The following ZNF236 variants were observed in gnomAD, a reference collection of about 807,000 sequenced individuals.
The protein encoded by ZNF236 is zinc finger protein 236, also known as regulated by glucose.
Under a neutral mutation model 191.2 loss-of-function variants are expected in ZNF236, and 50 were observed. The ratio of observed to expected loss-of-function variants is 0.26; its 90% CI spans 0.21 to 0.33. The LOEUF (loss-of-function observed/expected upper bound fraction) is 0.33, where lower values mean the gene tolerates loss of function less well. Ranked by LOEUF, ZNF236 falls within the 10% of genes least tolerant of loss-of-function variation. The pLI is 1.00. For missense variants in ZNF236, 1,754 were observed against 2,374.5 expected (o/e 0.74, Z 5.43); for synonymous variants, 907 against 928.8 (o/e 0.98, Z 0.43).
At chr18:76,953,947 T>C (rs1420990969) in intron 27 of ZNF236, among the ~76,000 whole-genome samples, 1 of 152,106 alleles carries the variant, frequency 6.6e-6, no homozygotes, top group Non-Finnish European at 1.5e-5. Context: ...GCTCCTACCC[T>C]CCCACCCCCA....
chr18:76,906,007 G>A (rs1269990747), intron 13 of ZNF236, among the ~76,000 whole-genome samples: 1 of 152,144 alleles, frequency 6.6e-6, no homozygotes, highest in East Asian at 1.9e-4. Context: ...AATTCTGTGT[G>A]GTACTGTAAC....
At chr18:76,910,276 G>A (rs1967183313) in intron 15 of ZNF236, 107 bp downstream of exon 15, 1 of 943,904 alleles carries the variant, frequency 1.1e-6, no homozygotes, top group Non-Finnish European at 1.5e-6. Context: ...TAAAGTGTAT[G>A]GTTTCAAACC....
At chr18:76,852,093 G>A (rs1409510133) in intron 3 of ZNF236, among the ~76,000 whole-genome samples, 154 bp downstream of exon 3, 1 of 152,160 alleles carries the variant, frequency 6.6e-6, no homozygotes, top group East Asian at 1.9e-4. Context: ...GACACCAGTT[G>A]ACTGATAAGA....
In ZNF236 at chr18:76,880,465, T is replaced by G. The variant is rs1408002469; in HGVS notation, c.1188+149T>G. 1.1e-5 allele frequency: 8 copies of G among 749,364 alleles called. No individual in the cohort carries two copies. Among genetic ancestry groups the G allele is most frequent in the Non-Finnish European group, 1.2e-5 (6 of 480,072 alleles). The allele number at this position is 749,364 out of a possible 1,614,324, so 46.4% of individuals were successfully genotyped here. A position where few individuals can be genotyped will look rare whatever the true frequency, so the allele number is the denominator to read the frequency against. On this transcript the variant is annotated intron_variant, in intron 8 of 30. Coordinates refer to ENST00000320610, the MANE Select transcript of ZNF236 (RefSeq NM_001306089.2). The surrounding 1 kb of genome is among the most constrained non-coding windows in gnomAD (Gnocchi z 5.0). The stretch of plus-strand genomic sequence containing the variant: ...CTGAACCGAAAGAAATTAATATGCC[T>G]ACTTAATTGCTTATGGACGGCGCAA...
Position 76,875,356 on chromosome 18 carries a change from A to G in ZNF236, c.668-136A>G. ...TTTGAGATTTAAAGTAGACACTTGT[A>G]TATATGCATCTAGAGTTCTGGGGAG... On this transcript the variant is annotated intron_variant, in intron 5 of 30. Coordinates refer to ENST00000320610, the MANE Select transcript of ZNF236 (RefSeq NM_001306089.2). This position sits in a 1 kb window ranked among gnomAD's most constrained non-coding sequence, Gnocchi z 4.3. 2.8e-6 allele frequency: 2 copies of G among 714,920 alleles called. No homozygotes were observed. The highest frequency in any genetic ancestry group is 4.1e-6 in the Non-Finnish European group (2 of 488,274). The allele number at this position is 714,920 out of a possible 1,614,324, so 44.3% of individuals were successfully genotyped here.
chr18:76,866,739 C>T (rs1976420242), intron 3 of ZNF236, among the ~76,000 whole-genome samples: 1 of 152,166 alleles, frequency 6.6e-6, no homozygotes, highest in Non-Finnish European at 1.5e-5. Flanking sequence ...AAGTGGAAGG[C>T]CCGTTGTCCT....
rs114499862 is a variant in ZNF236 at position 76,890,339 on chromosome 18, G to T, written c.1418-4674G>T. ...AAGGACATCCTTGTACATAATCATA[G>T]TAAAGTCATCAATATCAGGAAATTA... On this transcript the variant is annotated intron_variant, in intron 9 of 30. Transcript: ENST00000320610. 4.4e-3 allele frequency among the ~76,000 whole-genome samples: 666 copies of T among 152,096 alleles called. 6 individuals carry two copies. The highest frequency in any genetic ancestry group is 0.015 in the African/African-American group (638 of 41,468).
chr18:76,845,211 T>C (rs1975640520), intron 1 of ZNF236, among the ~76,000 whole-genome samples: 1 of 152,178 alleles, frequency 6.6e-6, no homozygotes, highest in Non-Finnish European at 1.5e-5. Flanking sequence ...TAGTTTAAAG[T>C]TCTTGGTAGC....
At position 76,970,396 on chromosome 18, in the gene ZNF236, C is replaced by T. The variant is rs1968889004; in HGVS notation, c.*2057C>T. Reference sequence around the variant, plus strand: ...TTTTGGTTAAAGAAAAAGAAAATATCAATAATTCAATTTTGTGTCTTTTCT... The same window carrying T: ...TTTTGGTTAAAGAAAAAGAAAATATTAATAATTCAATTTTGTGTCTTTTCT... On this transcript the variant is annotated 3_prime_UTR_variant, in exon 31 of 31. Transcript: ENST00000320610. The T allele has an allele frequency of 6.6e-6, 1 of 152,552 alleles. No homozygotes were observed. Among genetic ancestry groups the T allele is most frequent in the Non-Finnish European group, 1.5e-5 (1 of 68,024 alleles). The allele number at this position is 152,552 out of a possible 1,614,324, so 9.4% of individuals were successfully genotyped here.
At chr18:76,936,513 G>A (rs762572393) in intron 25 of ZNF236, 5 of 428,368 alleles carry the variant, frequency 1.2e-5, no homozygotes, top group African/African-American at 2.1e-5. Context: ...TTTCAGTTTT[G>A]TTGTCTTTTC....
chr18:76,830,452 C>T (rs766452022), intron 1 of ZNF236, among the ~76,000 whole-genome samples: 5 of 152,088 alleles, frequency 3.3e-5, no homozygotes, highest in African/African-American at 7.2e-5. Flanking sequence ...GCCAGTCGCC[C>T]AGTGACAGTC....
rs530806973 is a variant in ZNF236 at position 76,843,975 on chromosome 18, G to A, written c.56-5551G>A. ...GGAGTTTTAAATTAAAGAAGAGGCCGGGTGCAGTGTCTCACGCCTGTAATC... is the reference window on the plus strand; with the variant it reads ...GGAGTTTTAAATTAAAGAAGAGGCCAGGTGCAGTGTCTCACGCCTGTAATC... On this transcript the variant is annotated intron_variant, in intron 1 of 30. Transcript: ENST00000320610. Among the ~76,000 whole-genome samples, 7 of 151,680 alleles carry A rather than the reference G, an allele frequency of 4.6e-5. No homozygotes were observed. The East Asian group carries it at 7.8e-4, about 17-fold the overall frequency.
At chr18:76,831,600 TC>T (rs1335419661) in intron 1 of ZNF236, among the ~76,000 whole-genome samples, 1 of 152,208 alleles carries the variant, frequency 6.6e-6, no homozygotes, top group Non-Finnish European at 1.5e-5. Context: ...TTTAGTTTTT[TC>T]TAACAGGCTG....
intron 19 of ZNF236, 41 bp downstream of exon 19, chr18:76,915,900 C>G (rs1374375413): frequency 6.4e-7 from 1 of 1,569,828 alleles, no homozygotes; most frequent in Non-Finnish European, 8.8e-7. Context: ...TAACCCGATG[C>G]TAATTTAGGA....
chr18:76,942,657 G>T (rs1388247456), intron 26 of ZNF236, among the ~76,000 whole-genome samples: 1 of 151,012 alleles, frequency 6.6e-6, no homozygotes, highest in East Asian at 2.0e-4. Flanking sequence ...GACCACAGGC[G>T]CCCGCCACCA....
rs1224638601 is a variant in ZNF236 at position 76,920,067 on chromosome 18, A to G, written c.3557+9A>G. On this transcript the variant is annotated intron_variant, in intron 20 of 30. Transcript: ENST00000320610. ...CCTAGCGACCTGGTGAGGTGAGGGC[A>G]TGGCTACGCCGCGCGGGTTCCGCTC... 1 of 1,608,688 alleles carries G rather than the reference A, an allele frequency of 6.2e-7. No homozygotes were observed. The highest frequency in any genetic ancestry group is 1.3e-5 in the African/African-American group (1 of 74,786).
intron 30 of ZNF236, among the ~76,000 whole-genome samples, chr18:76,967,658 A>G (rs372304111): frequency 1.8e-4 from 1 of 5,446 alleles, no homozygotes; most frequent in South Asian, 6.8e-3. Context: ...GATCTCTGAG[A>G]TTTGTGATTT....
At position 76,871,729 on chromosome 18, in the gene ZNF236, A is replaced by G; in HGVS notation, c.571A>G (p.Asn191Asp). Residue 191 changes from asparagine (N) to aspartate (D), a missense_variant, in exon 5 of 31, where the codon AAT becomes GAT. Around this residue, in one of 5 missense-constraint regions of ZNF236, gnomAD observed 336 missense variants for 495.1 expected, o/e 0.68. Coordinates refer to ENST00000320610, the MANE Select transcript of ZNF236 (RefSeq NM_001306089.2). ...ATCAAGTACAAGGTCTTATAACCGG[A>G]ATATCGACAGAAGTGGATTCACGTA... ...RVSSTRSYNR[N>D]IDRSGFTYSC... 1.9e-6 allele frequency: 3 copies of G among 1,614,220 alleles called. No homozygotes were observed. The highest frequency in any genetic ancestry group is 2.5e-6 in the Non-Finnish European group (3 of 1,180,044).
intron 30 of ZNF236, among the ~76,000 whole-genome samples, chr18:76,962,184 A>G (rs1375531917): frequency 6.6e-6 from 1 of 152,092 alleles, no homozygotes; most frequent in Non-Finnish European, 1.5e-5. Context: ...TAGAATTTTT[A>G]TAGTTTCAGG....
Sources: allele counts gnomAD v4.1 joint callset (sites outside exome capture counted in the v4.1 genomes callset), GRCh38; gene constraint gnomAD v4.1.1; regional missense constraint gnomAD v4.1.1; non-coding constraint Gnocchi (gnomAD v3.1); transcripts MANE v1.5; gene names NCBI Gene and HGNC (gene_info 2026-07-23, HGNC 2026-07-21).